TAFA1: variants seen among roughly 807,000 people sequenced by gnomAD.
TAFA1 encodes the protein chemokine-like protein TAFA-1.
TAFA1 carries 4 observed loss-of-function variants against 18.5 expected under a neutral mutation model. That is an observed-to-expected ratio of 0.22 (90% CI 0.11 to 0.49). TAFA1 has a LOEUF of 0.49. Ranked by LOEUF, TAFA1 falls within the 20% of genes least tolerant of loss-of-function variation. The pLI, the probability that TAFA1 is intolerant of heterozygous loss-of-function variation, is 0.98. For missense variants in TAFA1, 147 were observed against 169.0 expected, an observed-to-expected ratio of 0.87 and a Z score of 0.72; for synonymous variants, 56 against 55.2, an observed-to-expected ratio of 1.01 and a Z score of -0.06.
rs2066767609 is a variant in TAFA1, at chr3:68,224,163, A to G, written c.119-193117A>G. 2.0e-5 allele frequency among the ~76,000 whole-genome samples: 3 copies of G among 152,006 alleles called. No homozygotes were observed. In the South Asian group the frequency reaches 6.3e-4, roughly 32 times the overall value. On this transcript the variant is annotated intron_variant, in intron 2 of 4. Coordinates refer to ENST00000478136, the MANE Select transcript of TAFA1 (RefSeq NM_213609.4). ...AAATATTTTAGAAAGATTTAAATGCATGTATGAATTGTCTTTGGTAAATAA... is the reference window on the plus strand; with the variant it reads ...AAATATTTTAGAAAGATTTAAATGCGTGTATGAATTGTCTTTGGTAAATAA...
intron 2 of TAFA1, among the ~76,000 whole-genome samples, chr3:68,157,937 A>G (rs192695710): frequency 7.2e-4 from 110 of 152,308 alleles, no homozygotes; most frequent in Admixed American, 3.5e-3. Context: ...GGTCTGGCCA[A>G]CTTTCACATT....
chr3:68,175,460 C>A (rs967866664), intron 2 of TAFA1, among the ~76,000 whole-genome samples: 1 of 152,194 alleles, frequency 6.6e-6, no homozygotes. Flanking sequence ...TGGGAACCCA[C>A]CTCTTGCATC....
chr3:68,100,859 G>T (rs1024729411), intron 2 of TAFA1, among the ~76,000 whole-genome samples: 1 of 152,084 alleles, frequency 6.6e-6, no homozygotes, highest in Non-Finnish European at 1.5e-5. Context: ...AAGACAAAAC[G>T]TGATATAGCC....
chr3:68,153,367 A>T (rs1040907217), intron 2 of TAFA1, among the ~76,000 whole-genome samples: 1 of 152,184 alleles, frequency 6.6e-6, no homozygotes, highest in Non-Finnish European at 1.5e-5. Context: ...TTCAAGGACC[A>T]GTTAAAAAGT....
intron 3 of TAFA1, among the ~76,000 whole-genome samples, chr3:68,443,002 A>G (rs2071411701): frequency 6.6e-6 from 1 of 152,168 alleles, no homozygotes; most frequent in African/African-American, 2.4e-5. Flanking sequence ...GTGGTGATAC[A>G]GGAAGCCTCT....
rs63748968 is a variant in TAFA1 at position 68,246,589 on chromosome 3, C to CAAAAAAAAAAAAAAAAA, written c.119-170671_119-170655dup. Among the ~76,000 whole-genome samples, 40 of 55,348 alleles carry CAAAAAAAAAAAAAAAAA rather than the reference C, an allele frequency of 7.2e-4. 6 individuals are homozygous for CAAAAAAAAAAAAAAAAA. The highest frequency in any genetic ancestry group is 1.7e-3 in the African/African-American group (24 of 13,778). 36.3% of individuals were successfully genotyped at this position (55,348 alleles called of 152,430 possible). On this transcript the variant is annotated intron_variant, in intron 2 of 4. Transcript: ENST00000478136. ...TGGGCGACAGAGCGGGACTCCGTCT[C>CAAAAAAAAAAAAAAAAA]AAAAAAAAAAAAAAAAAAAAAAAAA... is the stretch of plus-strand genomic sequence containing the variant.
intron 2 of TAFA1, among the ~76,000 whole-genome samples, chr3:68,191,910 G>A (rs1343247288): frequency 1.3e-5 from 2 of 151,750 alleles, no homozygotes; most frequent in African/African-American, 4.8e-5. Context: ...TCACTTCAAC[G>A]TCATTCAATC....
chr3:68,226,679 C>G (rs564407751), intron 2 of TAFA1, among the ~76,000 whole-genome samples: 1 of 152,294 alleles, frequency 6.6e-6, no homozygotes, highest in East Asian at 1.9e-4. Flanking sequence ...TATTATACTA[C>G]TTAAGACTCT....
intron 2 of TAFA1, among the ~76,000 whole-genome samples, chr3:68,120,171 C>CTCTG: frequency 1.2e-5 from 1 of 84,436 alleles, no homozygotes; most frequent in South Asian, 4.7e-4. Context: ...CTCTTTCTTT[C>CTCTG]TCTTTCTTTC....
chr3:68,180,695 A>T (rs866653696), intron 2 of TAFA1, among the ~76,000 whole-genome samples: 1 of 152,130 alleles, frequency 6.6e-6, no homozygotes, highest in African/African-American at 2.4e-5. Context: ...GTCATTTACA[A>T]TTCTTCCCTG....
intron 2 of TAFA1, among the ~76,000 whole-genome samples, chr3:68,375,478 G>C (rs2069791473): frequency 6.6e-6 from 1 of 152,264 alleles, no homozygotes; most frequent in Non-Finnish European, 1.5e-5. Flanking sequence ...AGATGAATCA[G>C]ATGTTGTCCC....
At chr3:68,536,734 G>A (rs563470382) in intron 3 of TAFA1, among the ~76,000 whole-genome samples, 2 of 152,274 alleles carry the variant, frequency 1.3e-5, no homozygotes, top group East Asian at 3.9e-4. Context: ...AATGTGTGCT[G>A]TAAATATTTA....
chr3:68,063,618 C>A (rs1198316410), intron 2 of TAFA1, among the ~76,000 whole-genome samples: 2 of 152,062 alleles, frequency 1.3e-5, no homozygotes, highest in Admixed American at 6.6e-5. Context: ...TGTTGAAATG[C>A]AGATGGCTTG....
intron 2 of TAFA1, among the ~76,000 whole-genome samples, chr3:68,074,856 GT>G (rs1160157644): frequency 6.6e-6 from 1 of 152,170 alleles, no homozygotes; most frequent in Non-Finnish European, 1.5e-5. Flanking sequence ...TCATTTTTGT[GT>G]TTGCCATTCC....
At chr3:68,338,134 T>C (rs2106746373) in intron 2 of TAFA1, among the ~76,000 whole-genome samples, 1 of 152,358 alleles carries the variant, frequency 6.6e-6, no homozygotes. Flanking sequence ...GGATCTTTCA[T>C]GCCTGTTGTT....
At chr3:68,377,770 A>G (rs171893) in intron 2 of TAFA1, among the ~76,000 whole-genome samples, 95,474 of 151,878 alleles carry the variant, frequency 0.63, 30,795 homozygotes, top group East Asian at 1. Context: ...TGGTTTCGTG[A>G]TTTGGGTCCA....
At chr3:68,186,884 G>T (rs552256934) in intron 2 of TAFA1, among the ~76,000 whole-genome samples, 3 of 151,900 alleles carry the variant, frequency 2.0e-5, no homozygotes, top group African/African-American at 7.3e-5. Flanking sequence ...AACATACCAT[G>T]GGCCTAGCCC....
At chr3:68,104,850 A>G (rs979696505) in intron 2 of TAFA1, among the ~76,000 whole-genome samples, 1 of 152,066 alleles carries the variant, frequency 6.6e-6, no homozygotes, top group Non-Finnish European at 1.5e-5. Flanking sequence ...CCTCCTCTAA[A>G]CTATGTGTCT....
At chr3:68,182,329 T>C (rs1420674730) in intron 2 of TAFA1, among the ~76,000 whole-genome samples, 3 of 152,198 alleles carry the variant, frequency 2.0e-5, no homozygotes, top group African/African-American at 7.2e-5. Flanking sequence ...CAGCAAGCTT[T>C]GTAAAAGCCC....
Sources: gnomAD v4.1 joint callset for allele counts (sites outside exome capture counted in the v4.1 genomes callset) on GRCh38, gnomAD v4.1.1 for gene constraint, MANE v1.5 for transcripts, NCBI Gene and HGNC (gene_info 2026-07-23, HGNC 2026-07-21) for gene names.